Variants in CDKL4 observed in about 807,000 individuals in gnomAD.
The protein encoded by CDKL4 is cyclin dependent kinase like 4.
Under a neutral mutation model 42.0 loss-of-function variants are expected in CDKL4, and 44 were observed. The ratio of observed to expected loss-of-function variants is 1.05; its 90% CI spans 0.82 to 1.35. The LOEUF is 1.35. CDKL4 is among the 40% of genes most tolerant of loss of function. CDKL4 has a pLI of 0.00. For synonymous variants in CDKL4, 120 were observed against 121.6 expected (o/e 0.99, Z 0.09); for missense variants, 393 against 369.9 (o/e 1.06, Z -0.51).
At chr2:39,170,450 G>T in the CDKL4 span, among the ~76,000 whole-genome samples, 887 of 145,052 alleles carry the variant, frequency 6.1e-3, 5 homozygotes, top group African/African-American at 0.012. Flanking sequence ...TTAGTTTTTT[G>T]TTGTTGTTGT....
Position 39,179,174 on chromosome 2 carries a change from T to G in CDKL4, c.927+13A>C, listed in dbSNP as rs1040095461. On this transcript the variant is annotated intron_variant, in intron 9 of 9. Transcript: ENST00000451199. ...ATTATTTTTATAGCACTTTAACTTT[T>G]GAGCGGAAGTACCTGTTGGCGTCTT... is the stretch of plus-strand genomic sequence containing the variant. 1 of 1,586,858 alleles carries G rather than the reference T, an allele frequency of 6.3e-7. No individual in the cohort carries two copies. Among genetic ancestry groups the G allele is most frequent in the South Asian group, 1.2e-5 (1 of 85,586 alleles).
chr2:39,172,095 G>T (rs1393238805), downstream of CDKL4, among the ~76,000 whole-genome samples: 1 of 152,100 alleles, frequency 6.6e-6, no homozygotes, highest in Admixed American at 6.6e-5. Context: ...CGGATCACGA[G>T]GTCAGGGGTT....
chr2:39,241,752 C>T (rs1434273460), intron 1 of CDKL4, among the ~76,000 whole-genome samples: 3 of 152,152 alleles, frequency 2.0e-5, no homozygotes, highest in East Asian at 3.8e-4. Context: ...TTTCTCTGCT[C>T]GCATGCTATG....
At chr2:39,226,736 G>A (rs756282744) in intron 2 of CDKL4, among the ~76,000 whole-genome samples, 3 of 151,820 alleles carry the variant, frequency 2.0e-5, no homozygotes, top group East Asian at 1.9e-4. Context: ...TGGTCACTCC[G>A]TCTGTAACTA....
At chr2:39,194,064 G>A (rs560529068) in intron 5 of CDKL4, among the ~76,000 whole-genome samples, 99 of 152,246 alleles carry the variant, frequency 6.5e-4, no homozygotes, top group African/African-American at 2.2e-3. Context: ...ATTCCTAAAA[G>A]TGAAATTAAA....
chr2:39,203,437 T>C (rs527358976), intron 5 of CDKL4, among the ~76,000 whole-genome samples: 2 of 152,278 alleles, frequency 1.3e-5, no homozygotes, highest in South Asian at 4.1e-4. Flanking sequence ...TTTGGTGGTA[T>C]ATAATGGATT....
At chr2:39,244,787 TAA>T (rs1679838013), upstream of CDKL4, among the ~76,000 whole-genome samples, 1 of 152,184 alleles carries the variant, frequency 6.6e-6, no homozygotes, top group African/African-American at 2.4e-5. Context: ...TCAGGGATTG[TAA>T]ATACACCAAT....
chr2:39,227,397 G>T (rs1678817640), intron 2 of CDKL4, among the ~76,000 whole-genome samples: 1 of 152,112 alleles, frequency 6.6e-6, no homozygotes, highest in Non-Finnish European at 1.5e-5. Context: ...ACGTAAGCAT[G>T]GCTTGACCAA....
downstream of CDKL4, among the ~76,000 whole-genome samples, chr2:39,173,229 T>A (rs1164161012): frequency 1.3e-5 from 2 of 152,212 alleles, no homozygotes; most frequent in Non-Finnish European, 2.9e-5. Flanking sequence ...TATAGAGAGA[T>A]ATATATTTAA....
chr2:39,216,385 A>G (rs73933929), intron 3 of CDKL4, among the ~76,000 whole-genome samples: 2,470 of 152,292 alleles, frequency 0.016, 72 homozygotes, highest in African/African-American at 0.056. Context: ...ACTTGAGTGA[A>G]GAAGCCAGGA....
chr2:39,187,204 C>T (rs1675876054), intron 7 of CDKL4, among the ~76,000 whole-genome samples: 1 of 152,112 alleles, frequency 6.6e-6, no homozygotes, highest in African/African-American at 2.4e-5. Flanking sequence ...TGCCTGCTTC[C>T]CCTCCTGCCA....
intron 4 of CDKL4, among the ~76,000 whole-genome samples, chr2:39,207,442 T>A (rs549617798): frequency 6.6e-6 from 1 of 152,310 alleles, no homozygotes; most frequent in Non-Finnish European, 1.5e-5. Context: ...TCCTACCTTT[T>A]AAGCAACACA....
chr2:39,205,893 G>A (rs1249509495), intron 4 of CDKL4, among the ~76,000 whole-genome samples: 1 of 152,008 alleles, frequency 6.6e-6, no homozygotes, highest in East Asian at 1.9e-4. Context: ...CAGAGATTCC[G>A]AAGCATTCCG....
intron 3 of CDKL4, among the ~76,000 whole-genome samples, chr2:39,215,677 A>G (rs902447318): frequency 6.6e-6 from 1 of 152,208 alleles, no homozygotes; most frequent in Non-Finnish European, 1.5e-5. Flanking sequence ...AACAGTGGGA[A>G]GGCCTAGGCA....
chr2:39,194,892 T>A (rs988910043), intron 5 of CDKL4, among the ~76,000 whole-genome samples: 1 of 152,126 alleles, frequency 6.6e-6, no homozygotes, highest in African/African-American at 2.4e-5. Flanking sequence ...TGTTGCACAA[T>A]CATCACCACT....
At chr2:39,173,745 G>A (rs1160005486), downstream of CDKL4, among the ~76,000 whole-genome samples, 2 of 150,992 alleles carry the variant, frequency 1.3e-5, no homozygotes, top group Non-Finnish European at 2.9e-5. Context: ...GGGAGGCGGA[G>A]CAGCTTGCAG....
At chr2:39,217,701 ATTATTTATTTATTTATTTAT>A (rs145033516) in intron 3 of CDKL4, among the ~76,000 whole-genome samples, 2,520 of 147,830 alleles carry the variant, frequency 0.017, 77 homozygotes, top group African/African-American at 0.057. Context: ...GGCTTATTTT[ATTATTTATTTATTTATTTAT>A]TTATTTATTT....
chr2:39,224,496 T>G (rs561045705), intron 3 of CDKL4, among the ~76,000 whole-genome samples: 1 of 149,344 alleles, frequency 6.7e-6, no homozygotes, highest in East Asian at 1.9e-4. Context: ...CCTTCTCCAC[T>G]AATTTTTTTT....
At chr2:39,175,423 A>G (rs937321318), downstream of CDKL4, among the ~76,000 whole-genome samples, 5 of 152,216 alleles carry the variant, frequency 3.3e-5, no homozygotes, top group Non-Finnish European at 7.3e-5. Context: ...AGAATCATCA[A>G]TGCCTCATGA....
Sources: gnomAD v4.1 joint callset for allele counts (sites outside exome capture counted in the v4.1 genomes callset) on GRCh38, gnomAD v4.1.1 for gene constraint, MANE v1.5 for transcripts, NCBI Gene and HGNC (gene_info 2026-07-23, HGNC 2026-07-21) for gene names.